Variants in USP12 observed in about 807,000 individuals in gnomAD.
The protein encoded by USP12 is ubiquitin specific peptidase 12.
Under a neutral mutation model 45.5 loss-of-function variants are expected in USP12, and 19 were observed. The observed-to-expected ratio is 0.42, with a 90% CI of 0.29 to 0.61. The LOEUF is 0.61. USP12 is among the 20% of genes least tolerant of loss of function. USP12 has a pLI of 0.22. For missense variants in USP12, 242 were observed against 447.7 expected (o/e 0.54, Z 4.15); for synonymous variants, 149 against 148.8 (o/e 1.00, Z -0.01).
At chr13:27,111,277 C>A (rs1875432146) in intron 2 of USP12, among the ~76,000 whole-genome samples, 1 of 152,032 alleles carries the variant, frequency 6.6e-6, no homozygotes, top group Admixed American at 6.5e-5. Flanking sequence ...TTAATATTAA[C>A]TTTCATTCAA....
chr13:27,130,981 A>G (rs1215907562), intron 1 of USP12, among the ~76,000 whole-genome samples: 1 of 152,278 alleles, frequency 6.6e-6, no homozygotes, highest in African/African-American at 2.4e-5. Flanking sequence ...AGATCAGTTC[A>G]TGAAAGTAAG....
intron 1 of USP12, among the ~76,000 whole-genome samples, chr13:27,160,131 CA>C (rs1878037808): frequency 6.6e-6 from 1 of 151,900 alleles, no homozygotes; most frequent in South Asian, 2.1e-4. Flanking sequence ...TGGAAAAACT[CA>C]ATAAAGAAAG....
intron 6 of USP12, among the ~76,000 whole-genome samples, chr13:27,083,744 G>C (rs1274726613): frequency 6.6e-6 from 1 of 152,026 alleles, no homozygotes; most frequent in Non-Finnish European, 1.5e-5. Flanking sequence ...TGAATATTTA[G>C]ATAAAATATT....
intron 7 of USP12, among the ~76,000 whole-genome samples, chr13:27,074,261 G>A (rs981474568): frequency 6.6e-6 from 1 of 152,126 alleles, no homozygotes; most frequent in Non-Finnish European, 1.5e-5. Flanking sequence ...TTAGCCGGGC[G>A]TGGTGGTGGG....
chr13:27,103,598 C>CAAAAAAAAAAAA (rs376135830), intron 3 of USP12, among the ~76,000 whole-genome samples: 6 of 128,748 alleles, frequency 4.7e-5, no homozygotes, highest in Non-Finnish European at 8.2e-5. Flanking sequence ...ATTGAACTAT[C>CAAAAAAAAAAAA]AAAAAAAAAA....
At chr13:27,078,792 T>C (rs182077970) in intron 6 of USP12, among the ~76,000 whole-genome samples, 2 of 152,178 alleles carry the variant, frequency 1.3e-5, no homozygotes, top group East Asian at 1.9e-4. Context: ...TTAACAGACT[T>C]CTCTCACTAA....
chr13:27,158,508 G>A (rs563031270), intron 1 of USP12, among the ~76,000 whole-genome samples: 5 of 152,262 alleles, frequency 3.3e-5, no homozygotes, highest in East Asian at 3.9e-4. Context: ...GTGTACTCAC[G>A]CAAACCTAGA....
chr13:27,136,160 C>T (rs899450736), intron 1 of USP12, among the ~76,000 whole-genome samples: 2 of 152,174 alleles, frequency 1.3e-5, no homozygotes, highest in African/African-American at 4.8e-5. Flanking sequence ...AGCACCAAAA[C>T]TTCAAGGCTC....
intron 6 of USP12, among the ~76,000 whole-genome samples, chr13:27,083,760 G>C (rs1873870737): frequency 6.6e-6 from 1 of 151,944 alleles, no homozygotes; most frequent in African/African-American, 2.4e-5. Flanking sequence ...ATATTATAAA[G>C]CAAATTCATT....
intron 1 of USP12, among the ~76,000 whole-genome samples, chr13:27,162,231 C>T (rs1199583271): frequency 6.6e-6 from 1 of 152,152 alleles, no homozygotes; most frequent in East Asian, 1.9e-4. Flanking sequence ...CATTTCATAA[C>T]TGAAACCAGT....
intron 3 of USP12, among the ~76,000 whole-genome samples, chr13:27,103,994 A>C (rs754684940): frequency 1.6e-4 from 25 of 152,158 alleles, no homozygotes; most frequent in Non-Finnish European, 3.2e-4. Context: ...CTATTAAATG[A>C]AAAGGGAAAT....
intron 1 of USP12, among the ~76,000 whole-genome samples, chr13:27,142,120 T>G (rs1022191838): frequency 6.6e-6 from 1 of 152,060 alleles, no homozygotes; most frequent in Non-Finnish European, 1.5e-5. Flanking sequence ...AGACTCTGTC[T>G]CAAAAACACA....
intron 1 of USP12, among the ~76,000 whole-genome samples, chr13:27,154,190 G>A (rs763083276): frequency 2.0e-5 from 3 of 152,114 alleles, no homozygotes; most frequent in Admixed American, 2.0e-4. Flanking sequence ...TAATGAAGCC[G>A]AACCATCATT....
At chr13:27,098,363 A>AT (rs1555234104) in intron 3 of USP12, among the ~76,000 whole-genome samples, 38 of 21,160 alleles carry the variant, frequency 1.8e-3, no homozygotes, top group Middle Eastern at 0.053. Flanking sequence ...TATACAGAAT[A>AT]TTTAAAAAAA....
intron 1 of USP12, among the ~76,000 whole-genome samples, chr13:27,157,999 T>G (rs948099392): frequency 6.6e-6 from 1 of 152,262 alleles, no homozygotes; most frequent in Non-Finnish European, 1.5e-5. Flanking sequence ...TTAATTGCAA[T>G]GGACCTGATT....
In USP12 at chr13:27,142,426, A is replaced by T. The variant is rs142030631; in HGVS notation, c.49-25830T>A. Among the ~76,000 whole-genome samples, 122 of 152,362 alleles carry T rather than the reference A, an allele frequency of 8.0e-4. 1 individual carries two copies. In the East Asian group the frequency reaches 0.02, roughly 25 times the overall value. On this transcript the variant is annotated intron_variant, in intron 1 of 8. Coordinates refer to ENST00000282344, the MANE Select transcript of USP12 (RefSeq NM_182488.4). ...TTACTGAGATAACTGATTAAATTTT[A>T]AAAATATGCTGTGCATTAGATGACA... is the stretch of plus-strand genomic sequence containing the variant.
intron 4 of USP12, 88 bp downstream of exon 4, chr13:27,095,513 G>T: frequency 1.0e-6 from 1 of 982,018 alleles, no homozygotes. Flanking sequence ...CAACTTTCAA[G>T]TTCATCTTCC....
intron 1 of USP12, among the ~76,000 whole-genome samples, chr13:27,121,487 A>C (rs1469843078): frequency 1.3e-5 from 2 of 152,212 alleles, no homozygotes; most frequent in Non-Finnish European, 2.9e-5. Flanking sequence ...TTCATAAGTC[A>C]AAAATTACAA....
chr13:27,069,459 A>G, intron 8 of USP12, 75 bp from the exon 9 acceptor site: 1 of 1,131,612 alleles, frequency 8.8e-7, no homozygotes, highest in South Asian at 1.3e-5. Flanking sequence ...TAAAAGACTG[A>G]CAATACCAAG....
Sources: allele counts gnomAD v4.1 joint callset (sites outside exome capture counted in the v4.1 genomes callset), GRCh38; gene constraint gnomAD v4.1.1; transcripts MANE v1.5; gene names NCBI Gene and HGNC (gene_info 2026-07-23, HGNC 2026-07-21).